PCDH9: variants seen among roughly 807,000 people sequenced by gnomAD.
PCDH9 encodes protocadherin 9, also known as protocadherin-9.
PCDH9 carries 24 observed loss-of-function variants against 70.6 expected under a neutral mutation model. The observed-to-expected ratio is 0.34, with a 90% CI of 0.25 to 0.48. The LOEUF (loss-of-function observed/expected upper bound fraction) is 0.48, where lower values mean the gene tolerates loss of function less well. Ranked by LOEUF, PCDH9 falls within the 20% of genes least tolerant of loss-of-function variation. The probability of loss-of-function intolerance (pLI) is 0.99; values close to 1 mark genes in which losing one functional copy is unlikely to be tolerated. For missense variants in PCDH9, 1,281 were observed against 1,503.6 expected (o/e 0.85, Z 2.45); for synonymous variants, 562 against 558.5 (o/e 1.01, Z -0.09).
intron 4 of PCDH9, among the ~76,000 whole-genome samples, chr13:66,396,398 G>A (rs1957101867): frequency 6.6e-6 from 1 of 152,122 alleles, no homozygotes; most frequent in East Asian, 1.9e-4. Flanking sequence ...CAACTGACTG[G>A]ATAATTACCT....
intron 2 of PCDH9, among the ~76,000 whole-genome samples, chr13:66,905,601 C>A (rs186231821): frequency 2.6e-4 from 39 of 152,242 alleles, no homozygotes; most frequent in Admixed American, 9.2e-4. Flanking sequence ...ACTCCGATTT[C>A]AATCTGATAT....
intron 4 of PCDH9, among the ~76,000 whole-genome samples, chr13:66,539,973 C>T (rs950484308): frequency 4.0e-5 from 6 of 149,422 alleles, no homozygotes; most frequent in African/African-American, 1.5e-4. Flanking sequence ...GGGCTCAAGC[C>T]ATGCTCCTAC....
At chr13:66,713,890 A>T (rs2078833355) in intron 3 of PCDH9, among the ~76,000 whole-genome samples, 1 of 151,906 alleles carries the variant, frequency 6.6e-6, no homozygotes, top group Non-Finnish European at 1.5e-5. Flanking sequence ...ATCCCACCAC[A>T]TCTCTGTGTA....
At chr13:66,907,634 T>C (rs973404035) in intron 2 of PCDH9, among the ~76,000 whole-genome samples, 1 of 152,154 alleles carries the variant, frequency 6.6e-6, no homozygotes, top group African/African-American at 2.4e-5. Flanking sequence ...AAAAAGCACT[T>C]CTAGCCATAT....
At chr13:66,321,347 T>G (rs889700713) in intron 4 of PCDH9, among the ~76,000 whole-genome samples, 1 of 152,078 alleles carries the variant, frequency 6.6e-6, no homozygotes, top group Admixed American at 6.6e-5. Flanking sequence ...CATTTTAAAA[T>G]ATGAACTAGA....
At chr13:66,366,568 A>G (rs1956558066) in intron 4 of PCDH9, among the ~76,000 whole-genome samples, 2 of 151,896 alleles carry the variant, frequency 1.3e-5, no homozygotes, top group Admixed American at 6.6e-5. Context: ...AATATTGACT[A>G]TTTTTAAATT....
At chr13:66,927,163 AT>A (rs2082729750) in intron 2 of PCDH9, among the ~76,000 whole-genome samples, 1 of 152,044 alleles carries the variant, frequency 6.6e-6, no homozygotes, top group South Asian at 2.1e-4. Context: ...TAGTATATTC[AT>A]TTGCTAGGGC....
intron 2 of PCDH9, among the ~76,000 whole-genome samples, chr13:66,999,702 C>T (rs1239465667): frequency 1.4e-4 from 21 of 151,984 alleles, no homozygotes; most frequent in African/African-American, 5.1e-4. Context: ...CAAAAGAAGA[C>T]ATTTATGCAG....
At chr13:66,885,932 T>C (rs376663575) in intron 3 of PCDH9, 1 of 152,192 alleles carries the variant, frequency 6.6e-6, no homozygotes, top group Non-Finnish European at 1.5e-5. Flanking sequence ...GTGTTTTCCA[T>C]ATGTTTCATG....
chr13:66,484,545 G>A (rs1399955241), intron 4 of PCDH9, among the ~76,000 whole-genome samples: 1 of 152,136 alleles, frequency 6.6e-6, no homozygotes, highest in East Asian at 1.9e-4. Context: ...CATATTTCTG[G>A]CAGTATTAAA....
intron 3 of PCDH9, among the ~76,000 whole-genome samples, chr13:66,721,208 G>T (rs938610507): frequency 6.6e-6 from 1 of 152,126 alleles, no homozygotes; most frequent in Non-Finnish European, 1.5e-5. Context: ...TAATTATAAC[G>T]TGATAAGGAA....
At chr13:66,373,408 G>A (rs1956693868) in intron 4 of PCDH9, among the ~76,000 whole-genome samples, 1 of 151,872 alleles carries the variant, frequency 6.6e-6, no homozygotes, top group Non-Finnish European at 1.5e-5. Flanking sequence ...AAAATATTCT[G>A]GAGATTAGTT....
At chr13:66,691,545 T>G (rs964238240) in intron 3 of PCDH9, among the ~76,000 whole-genome samples, 1 of 152,164 alleles carries the variant, frequency 6.6e-6, no homozygotes, top group East Asian at 1.9e-4. Context: ...ATTTTTTTAC[T>G]ATTATTTTAA....
intron 3 of PCDH9, among the ~76,000 whole-genome samples, chr13:66,636,493 A>G (rs1214431431): frequency 6.6e-6 from 1 of 152,096 alleles, no homozygotes; most frequent in Non-Finnish European, 1.5e-5. Flanking sequence ...ATTATTACCA[A>G]CTAAATAAAC....
intron 3 of PCDH9, among the ~76,000 whole-genome samples, chr13:66,768,219 C>G (rs1218173689): frequency 6.6e-6 from 1 of 151,458 alleles, no homozygotes; most frequent in African/African-American, 2.4e-5. Flanking sequence ...AGATGTTCCC[C>G]CTATGGCAAT....
chr13:67,229,288 T>A (rs1423432430), intron 1 of PCDH9, among the ~76,000 whole-genome samples: 1 of 152,218 alleles, frequency 6.6e-6, no homozygotes, highest in Non-Finnish European at 1.5e-5. Context: ...TAAAAATGTA[T>A]AATAATATAG....
intron 4 of PCDH9, among the ~76,000 whole-genome samples, chr13:66,429,035 C>A (rs967401979): frequency 2.0e-5 from 3 of 149,032 alleles, no homozygotes; most frequent in Non-Finnish European, 4.4e-5. Context: ...TTGTAATATG[C>A]ATGTGATTAA....
At chr13:66,631,794 A>G (rs184373591) in intron 3 of PCDH9, among the ~76,000 whole-genome samples, 1 of 152,208 alleles carries the variant, frequency 6.6e-6, no homozygotes, top group African/African-American at 2.4e-5. Context: ...AAAATGCAAT[A>G]TTTCATTTCT....
chr13:67,074,281 GTA>G (rs2138164651), intron 2 of PCDH9, among the ~76,000 whole-genome samples: 1 of 152,142 alleles, frequency 6.6e-6, no homozygotes, highest in South Asian at 2.1e-4. Flanking sequence ...CTTTGTAAAT[GTA>G]AAGAGGGAGC....
Sources: allele counts gnomAD v4.1 joint callset (sites outside exome capture counted in the v4.1 genomes callset), GRCh38; gene constraint gnomAD v4.1.1; transcripts MANE v1.5; gene names NCBI Gene and HGNC (gene_info 2026-07-23, HGNC 2026-07-21).